Variants in DLG2 observed in about 807,000 individuals in gnomAD.
DLG2 encodes the protein disks large homolog 2.
A neutral mutation model predicts 132.5 loss-of-function variants in DLG2; 45 were observed. The ratio of observed to expected loss-of-function variants is 0.34; its 90% CI spans 0.27 to 0.44. DLG2 has a LOEUF of 0.44. Ranked by LOEUF, DLG2 falls within the 20% of genes least tolerant of loss-of-function variation. The probability of loss-of-function intolerance (pLI) is 1.00; values close to 1 mark genes in which losing one functional copy is unlikely to be tolerated. For synonymous variants in DLG2, 424 were observed against 419.6 expected, an observed-to-expected ratio of 1.01 and a Z score of -0.13; for missense variants, 1,045 against 1,196.9, an observed-to-expected ratio of 0.87 and a Z score of 1.87.
At chr11:84,465,587 C>T (rs144449606) in intron 7 of DLG2, among the ~76,000 whole-genome samples, 34 of 151,186 alleles carry the variant, frequency 2.2e-4, no homozygotes, top group Middle Eastern at 3.4e-3. Flanking sequence ...TGTGAAATCT[C>T]GCTTCTATAA....
In DLG2 at chr11:85,284,651, C is replaced by T. The variant is rs567315227; in HGVS notation, c.186+569G>A. Reference sequence around the variant, plus strand: ...ACAGTAGTGTCCAAACTGTTTGATTCCATAATTCTATTTGTAAAAACAAGT... The same window carrying T: ...ACAGTAGTGTCCAAACTGTTTGATTTCATAATTCTATTTGTAAAAACAAGT... On this transcript the variant is annotated intron_variant, in intron 4 of 27. Transcript: ENST00000376104. Among the ~76,000 whole-genome samples, 16 of 151,894 alleles carry T rather than the reference C, an allele frequency of 1.1e-4. 1 individual carries two copies. Among genetic ancestry groups the T allele is most frequent in the African/African-American group, 3.9e-4 (16 of 41,468 alleles).
At chr11:83,466,458 CATT>C (rs2091056865) in intron 26 of DLG2, among the ~76,000 whole-genome samples, 1 of 151,930 alleles carries the variant, frequency 6.6e-6, no homozygotes. Context: ...AATCAGGAAA[CATT>C]ATTGAAGATG....
chr11:85,153,736 C>T (rs947577034), intron 5 of DLG2, among the ~76,000 whole-genome samples: 4 of 151,916 alleles, frequency 2.6e-5, no homozygotes, highest in Admixed American at 6.6e-5. Context: ...ATAAAAATAT[C>T]AACTCAATAA....
intron 7 of DLG2, among the ~76,000 whole-genome samples, chr11:84,311,268 A>T (rs2098283606): frequency 6.6e-6 from 1 of 152,194 alleles, no homozygotes; most frequent in African/African-American, 2.4e-5. Flanking sequence ...CCTGGACAGT[A>T]AGTTCTTCAG....
At chr11:85,154,267 C>T (rs186988806) in intron 5 of DLG2, among the ~76,000 whole-genome samples, 139 of 150,200 alleles carry the variant, frequency 9.3e-4, no homozygotes, top group African/African-American at 3.1e-3. Flanking sequence ...AAGTATTTTT[C>T]AAGAGAGGAA....
At chr11:84,994,719 AG>A (rs1295378880) in intron 6 of DLG2, among the ~76,000 whole-genome samples, 1 of 152,178 alleles carries the variant, frequency 6.6e-6, no homozygotes, top group Non-Finnish European at 1.5e-5. Flanking sequence ...TTCTCACTCT[AG>A]GGGAGAGAGG....
chr11:84,062,673 T>C (rs1390574740), intron 10 of DLG2, among the ~76,000 whole-genome samples: 1 of 152,112 alleles, frequency 6.6e-6, no homozygotes, highest in African/African-American at 2.4e-5. Flanking sequence ...TCAACCTGTT[T>C]TTACTTTTTC....
At chr11:85,504,012 T>A (rs571400719) in intron 3 of DLG2, among the ~76,000 whole-genome samples, 1 of 152,330 alleles carries the variant, frequency 6.6e-6, no homozygotes, top group East Asian at 1.9e-4. Context: ...ATGTCTTCTT[T>A]TGAGAAGTGT....
At chr11:83,580,361 G>GA (rs71066052) in intron 19 of DLG2, among the ~76,000 whole-genome samples, 211 of 148,932 alleles carry the variant, frequency 1.4e-3, no homozygotes, top group South Asian at 3.8e-3. Context: ...CAACTTTTAG[G>GA]AAAAAAAAAA....
intron 6 of DLG2, among the ~76,000 whole-genome samples, chr11:84,795,750 G>A (rs763549937): frequency 3.9e-5 from 6 of 152,124 alleles, no homozygotes; most frequent in Non-Finnish European, 8.8e-5. Flanking sequence ...GACGCTTCCG[G>A]AGCCAGGGCT....
chr11:84,442,832 A>G (rs1044331859), intron 7 of DLG2, among the ~76,000 whole-genome samples: 4 of 152,210 alleles, frequency 2.6e-5, no homozygotes, highest in African/African-American at 7.2e-5. Context: ...ACTAATAAAT[A>G]TTAGCTGGAA....
chr11:84,035,687 C>A (rs547267133), intron 11 of DLG2, among the ~76,000 whole-genome samples: 89 of 152,180 alleles, frequency 5.8e-4, no homozygotes, highest in African/African-American at 2.0e-3. Flanking sequence ...GGTTGATATA[C>A]CCTAATTTAT....
intron 6 of DLG2, among the ~76,000 whole-genome samples, chr11:84,576,617 C>A (rs964386806): frequency 6.6e-6 from 1 of 152,118 alleles, no homozygotes; most frequent in African/African-American, 2.4e-5. Flanking sequence ...CAGGCAGAGG[C>A]AACAGCAAGT....
chr11:84,875,460 A>C (rs1273614581), intron 6 of DLG2, among the ~76,000 whole-genome samples: 1 of 152,030 alleles, frequency 6.6e-6, no homozygotes. Flanking sequence ...TTAGGAGCTC[A>C]AGGGCTTTGA....
chr11:84,411,411 T>TACC (rs1419280120), intron 7 of DLG2, among the ~76,000 whole-genome samples: 1 of 152,200 alleles, frequency 6.6e-6, no homozygotes, highest in African/African-American at 2.4e-5. Context: ...GCTAAAAAAC[T>TACC]ACCACAAATG....
At chr11:85,148,391 T>G (rs1465039526) in intron 5 of DLG2, among the ~76,000 whole-genome samples, 1 of 152,192 alleles carries the variant, frequency 6.6e-6, no homozygotes, top group African/African-American at 2.4e-5. Context: ...GCATTCCTGT[T>G]TCTCCACAGC....
intron 25 of DLG2, among the ~76,000 whole-genome samples, chr11:83,468,855 A>T (rs2091591864): frequency 6.6e-6 from 1 of 152,162 alleles, no homozygotes; most frequent in Non-Finnish European, 1.5e-5. Context: ...GAGAAAAAAA[A>T]TAACTTCCTC....
chr11:85,330,777 TAAAAAAAAAAAAATTAAAAAAA>T (rs1354574727), intron 3 of DLG2, among the ~76,000 whole-genome samples: 1 of 43,344 alleles, frequency 2.3e-5, no homozygotes, highest in East Asian at 5.4e-4. Flanking sequence ...TAGAGTATAA[TAAAAAAAAAAAAATTAAAAAAA>T]AAAAAAAAAA....
At chr11:84,586,157 A>AG (rs1158178679) in intron 6 of DLG2, among the ~76,000 whole-genome samples, 1 of 130,980 alleles carries the variant, frequency 7.6e-6, no homozygotes, top group Non-Finnish European at 1.6e-5. Flanking sequence ...ACTCAAAAAA[A>AG]AAAAAAAAGG....
Sources: allele counts gnomAD v4.1 joint callset (sites outside exome capture counted in the v4.1 genomes callset), GRCh38; gene constraint gnomAD v4.1.1; transcripts MANE v1.5; gene names NCBI Gene and HGNC (gene_info 2026-07-23, HGNC 2026-07-21).